ZNF831: variants seen among roughly 807,000 people sequenced by gnomAD.
ZNF831 encodes chromosome 20 open reading frame 174.
Under a neutral mutation model 95.8 loss-of-function variants are expected in ZNF831, and 59 were observed. That is an observed-to-expected ratio of 0.62 (90% CI 0.50 to 0.77). ZNF831 has a LOEUF of 0.77. ZNF831 is among the 30% of genes least tolerant of loss of function. ZNF831 has a pLI of 0.00. For missense variants in ZNF831, 2,205 were observed against 2,164.0 expected (o/e 1.02, Z -0.38); for synonymous variants, 961 against 925.5 (o/e 1.04, Z -0.70).
intron 4 of ZNF831, among the ~76,000 whole-genome samples, chr20:59,245,286 A>AT (rs1032878479): frequency 6.6e-6 from 1 of 152,116 alleles, no homozygotes; most frequent in Non-Finnish European, 1.5e-5. Flanking sequence ...ACAGATTTTG[A>AT]TTTTTCTCCT....
rs749306385 is a variant in ZNF831 at position 59,193,430 on chromosome 20, C to T, written c.2411C>T (p.Thr804Ile). Reference protein sequence around the residue: ...DVQETCLWAQTVLRWPSRGSG... With the variant: ...DVQETCLWAQIVLRWPSRGSG... The stretch of plus-strand genomic sequence containing the variant: ...CAGGAGACCTGCCTGTGGGCCCAGA[C>T]TGTCCTGAGATGGCCCAGCAGGGGC... Residue 804 changes from threonine (T) to isoleucine (I), a missense_variant, in exon 2 of 6, where the codon ACT becomes ATT. By Grantham distance (89) the Thr-to-Ile change is moderately conservative. Transcript: ENST00000371030. 5.0e-6 allele frequency: 8 copies of T among 1,600,596 alleles called. No individual in the cohort carries two copies. In the Admixed American group the frequency reaches 1.2e-4, roughly 24 times the overall value.
chr20:59,193,515 C>A lies in ZNF831; in HGVS notation c.2496C>A (p.Ser832Arg), dbSNP rs2146584795. 1 of 1,609,324 alleles carries A rather than the reference C, an allele frequency of 6.2e-7. No homozygotes were observed. Among genetic ancestry groups the A allele is most frequent in the Non-Finnish European group, 8.5e-7 (1 of 1,177,878 alleles). Residue 832 changes from serine (S) to arginine (R), a missense_variant, in exon 2 of 6, where the codon AGC (serine) becomes AGA (arginine). Transcript: ENST00000371030. ...RKKLKVEDLH[S>R]WKQPEPVSAE... The stretch of plus-strand genomic sequence containing the variant: ...AGCTGAAAGTGGAGGACCTGCACAG[C>A]TGGAAGCAACCAGAGCCTGTGAGCG...
chr20:59,192,297 C>G lies in ZNF831; in HGVS notation c.1278C>G (p.Asn426Lys), dbSNP rs1189914905. The G allele has an allele frequency of 1.3e-6, 2 of 1,588,674 alleles. No homozygotes were observed. The highest frequency in any genetic ancestry group is 2.3e-5 in the South Asian group (2 of 87,514). ...TGGTGGACGATGCCCAGCTGGACAA[C>G]GTGCGGCCCCGGAAGACCGGGCTGT... ...QAVVDDAQLD[N>K]VRPRKTGLSK... Residue 426 changes from asparagine to lysine, a missense_variant, in exon 2 of 6, where the codon AAC (asparagine) becomes AAG (lysine). Transcript: ENST00000371030. The surrounding 1 kb of genome is among the most constrained non-coding windows in gnomAD (Gnocchi z 5.2).
At position 59,192,181 on chromosome 20, in the gene ZNF831, G is replaced by T. The variant is rs1983619621; in HGVS notation, c.1162G>T (p.Ala388Ser). 1 of 1,568,382 alleles carries T rather than the reference G, an allele frequency of 6.4e-7. No individual in the cohort carries two copies. The highest frequency in any genetic ancestry group is 8.6e-7 in the Non-Finnish European group (1 of 1,160,024). The change falls in exon 2 of 6, where the codon GCC becomes TCC. Residue 388 changes from alanine (A) to serine (S), a missense_variant. Coordinates refer to ENST00000371030, the MANE Select transcript of ZNF831 (RefSeq NM_178457.3). This position sits in a 1 kb window ranked among gnomAD's most constrained non-coding sequence, Gnocchi z 5.2. ...GGGCCCGGGGCCAGGGGTCGCAGGG[G>T]CCGAGCCCGGGGCGCGAGAAGCCGG... ...GPGPGPGVAG[A>S]EPGAREAGLE...
At chr20:59,145,687 G>A (rs1025811085) in intron 1 of ZNF831, among the ~76,000 whole-genome samples, 2 of 152,178 alleles carry the variant, frequency 1.3e-5, no homozygotes, top group Non-Finnish European at 2.9e-5. Flanking sequence ...TGGTTTGGTG[G>A]CTCTCAGTGG....
intron 1 of ZNF831, among the ~76,000 whole-genome samples, chr20:59,187,393 A>G (rs1983138574): frequency 6.6e-6 from 1 of 152,070 alleles, no homozygotes; most frequent in Non-Finnish European, 1.5e-5. Context: ...AGGGGGCAGC[A>G]AGAAGACGGC....
intron 4 of ZNF831, among the ~76,000 whole-genome samples, chr20:59,231,151 A>G (rs530819245): frequency 1.3e-5 from 2 of 152,218 alleles, no homozygotes; most frequent in African/African-American, 4.8e-5. Context: ...ACTGCCTCTC[A>G]TATCGCTTTA....
chr20:59,238,741 A>T (rs1427949786), intron 4 of ZNF831, among the ~76,000 whole-genome samples: 1 of 152,242 alleles, frequency 6.6e-6, no homozygotes, highest in Non-Finnish European at 1.5e-5. Context: ...TATACAGGGT[A>T]CATTTCTATG....
chr20:59,198,803 C>G (rs1412815682), intron 3 of ZNF831, among the ~76,000 whole-genome samples: 1 of 152,162 alleles, frequency 6.6e-6, no homozygotes, highest in Non-Finnish European at 1.5e-5. Flanking sequence ...TCATGACTGT[C>G]TTTTGAGTTA....
In ZNF831 at chr20:59,254,830, C is replaced by A. The variant is rs41307165; in HGVS notation, c.*87C>A. On this transcript the variant is annotated 3_prime_UTR_variant, in exon 6 of 6. Coordinates refer to ENST00000371030, the MANE Select transcript of ZNF831 (RefSeq NM_178457.3). This position sits in a 1 kb window ranked among gnomAD's most constrained non-coding sequence, Gnocchi z 4.5. ...GTCAGGCTGGCGGAAGAACTAAACTCTATCTGTGAAACACCTACAGATTAG... is the reference window on the plus strand; with the variant it reads ...GTCAGGCTGGCGGAAGAACTAAACTATATCTGTGAAACACCTACAGATTAG... 1,454 of 1,506,110 alleles carry A rather than the reference C, an allele frequency of 9.7e-4. 1 individual carries two copies. The highest frequency in any genetic ancestry group is 1.0e-3 in the Non-Finnish European group (1,154 of 1,125,994). The allele number at this position is 1,506,110 out of a possible 1,614,324, so 93.3% of individuals were successfully genotyped here. A position where few individuals can be genotyped will look rare whatever the true frequency, so the allele number is the denominator to read the frequency against.
At chr20:59,140,952 T>A (rs1356789833) in intron 1 of ZNF831, among the ~76,000 whole-genome samples, 1 of 152,242 alleles carries the variant, frequency 6.6e-6, no homozygotes, top group East Asian at 1.9e-4. Context: ...CAGGCTGGAG[T>A]GCAGTGGCAC....
chr20:59,192,336 C>T lies in ZNF831; in HGVS notation c.1317C>T (p.Ser439=), dbSNP rs1399737475. Residue 439 remains serine, a synonymous_variant, in exon 2 of 6, where the codon AGC becomes AGT. Coordinates refer to ENST00000371030, the MANE Select transcript of ZNF831 (RefSeq NM_178457.3). The surrounding 1 kb of genome is among the most constrained non-coding windows in gnomAD (Gnocchi z 5.2). ...PRKTGLSKQG[S]IDLPTPYTYK... ...AGACCGGGCTGTCCAAACAGGGCAG[C>T]ATCGACCTGCCCACGCCCTACACCT... 1.2e-6 allele frequency: 2 copies of T among 1,605,686 alleles called. No individual in the cohort carries two copies. The highest frequency in any genetic ancestry group is 1.7e-6 in the Non-Finnish European group (2 of 1,176,440).
At chr20:59,151,097 G>A (rs1340682748) in intron 2 of ZNF831, among the ~76,000 whole-genome samples, 3 of 152,230 alleles carry the variant, frequency 2.0e-5, no homozygotes, top group Non-Finnish European at 4.4e-5. Context: ...AGAGGCCCAT[G>A]TTCCCGGTAC....
intron 1 of ZNF831, among the ~76,000 whole-genome samples, chr20:59,166,557 C>A (rs534656138): frequency 2.6e-5 from 4 of 152,130 alleles, no homozygotes; most frequent in African/African-American, 9.6e-5. Flanking sequence ...CACCCCAAAT[C>A]CCTCCTGCTC....
chr20:59,170,123 A>G (rs1279228876), intron 1 of ZNF831, among the ~76,000 whole-genome samples: 2 of 152,040 alleles, frequency 1.3e-5, no homozygotes, highest in Non-Finnish European at 2.9e-5. Flanking sequence ...TTTCTTTTTA[A>G]ACAATTAATA....
At chr20:59,182,265 A>G (rs773672130) in intron 1 of ZNF831, among the ~76,000 whole-genome samples, 1 of 152,212 alleles carries the variant, frequency 6.6e-6, no homozygotes, top group Admixed American at 6.5e-5. Context: ...CAGGCAGATC[A>G]AGGTAATACT....
At position 59,193,855 on chromosome 20, in the gene ZNF831, C is replaced by T; in HGVS notation, c.2836C>T (p.Pro946Ser). Reference sequence around the variant, plus strand: ...TTCCCCCAAGTACCTCCTCAGGTTACCTCAGGCAGAGACCCCCTTACCACT... The same window carrying T: ...TTCCCCCAAGTACCTCCTCAGGTTATCTCAGGCAGAGACCCCCTTACCACT... ...AFSPKYLLRL[P>S]QAETPLPLPI... The change falls in exon 2 of 6, where the codon CCT becomes TCT. Residue 946 changes from proline (P) to serine (S), a missense_variant. Coordinates refer to ENST00000371030, the MANE Select transcript of ZNF831 (RefSeq NM_178457.3). 2 of 1,613,242 alleles carry T rather than the reference C, an allele frequency of 1.2e-6. No homozygotes were observed. The highest frequency in any genetic ancestry group is 1.7e-4 in the Middle Eastern group (1 of 6,056).
chr20:59,253,104 G>A lies in ZNF831; in HGVS notation c.4154G>A (p.Arg1385Lys). The change falls in exon 5 of 6, where the codon AGA (arginine) becomes AAA (lysine). Residue 1385 changes from arginine (R) to lysine (K), a missense_variant. By Grantham distance (26) the Arg-to-Lys change is conservative (BLOSUM62 2). Transcript: ENST00000371030. ...LGTLSLGTSS[R>K]IVREMDKRTV... ...ACCCTCTCTCTTGGTACAAGTTCAA[G>A]AATTGTCAGGGAAATGGACAAACGA... 6.2e-7 allele frequency: 1 copy of A among 1,614,102 alleles called. No homozygotes were observed. Among genetic ancestry groups the A allele is most frequent in the South Asian group, 1.1e-5 (1 of 91,080 alleles).
chr20:59,199,388 A>T (rs1984371045), intron 3 of ZNF831, among the ~76,000 whole-genome samples: 2 of 152,196 alleles, frequency 1.3e-5, no homozygotes, highest in East Asian at 1.9e-4. Flanking sequence ...CACAAATCAT[A>T]TCAATCTGTG....
Sources: allele counts gnomAD v4.1 joint callset (sites outside exome capture counted in the v4.1 genomes callset), GRCh38; gene constraint gnomAD v4.1.1; non-coding constraint Gnocchi (gnomAD v3.1); transcripts MANE v1.5; gene names NCBI Gene and HGNC (gene_info 2026-07-23, HGNC 2026-07-21).